The following SPATA7 variants were observed in gnomAD, a reference collection of about 807,000 sequenced individuals.
The protein encoded by SPATA7 is spermatogenesis associated 7, also known as spermatogenesis-associated protein 7.
A neutral mutation model predicts 51.8 loss-of-function variants in SPATA7; 43 were observed. That is an observed-to-expected ratio of 0.83 (90% CI 0.65 to 1.07). The LOEUF (loss-of-function observed/expected upper bound fraction) is 1.07, where lower values mean the gene tolerates loss of function less well. Ranked by LOEUF, SPATA7 falls within the 50% of genes least tolerant of loss-of-function variation. SPATA7 has a pLI of 0.00. For missense variants in SPATA7, 683 were observed against 701.3 expected (o/e 0.97, Z 0.30); for synonymous variants, 230 against 252.8 (o/e 0.91, Z 0.86).
At chr14:88,419,186 A>G (rs1426463008) in intron 5 of SPATA7, among the ~76,000 whole-genome samples, 2 of 152,088 alleles carry the variant, frequency 1.3e-5, no homozygotes, top group African/African-American at 4.8e-5. Flanking sequence ...TCCTTGTGGT[A>G]CTATTAATTT....
intron 4 of SPATA7, among the ~76,000 whole-genome samples, chr14:88,411,644 C>G (rs542234624): frequency 6.6e-6 from 1 of 152,088 alleles, no homozygotes; most frequent in Non-Finnish European, 1.5e-5. Flanking sequence ...CTACCCCTTG[C>G]GCTTCCTGGG....
At chr14:88,387,845 G>A (rs894450946) in intron 1 of SPATA7, among the ~76,000 whole-genome samples, 5 of 152,130 alleles carry the variant, frequency 3.3e-5, no homozygotes, top group Non-Finnish European at 7.4e-5. Flanking sequence ...AGAAAAGATT[G>A]AGAATAACAA....
chr14:88,410,850 TG>T, intron 4 of SPATA7: 1 of 153,726 alleles, frequency 6.5e-6, no homozygotes, highest in Non-Finnish European at 1.4e-5. Flanking sequence ...CTGGGAGGCA[TG>T]GGGGTCAGGG....
chr14:88,465,609 T>C (rs542850321), intron 4 of SPATA7, among the ~76,000 whole-genome samples: 1 of 152,344 alleles, frequency 6.6e-6, no homozygotes, highest in South Asian at 2.1e-4. Flanking sequence ...TTTATAACTC[T>C]ACGTTTTGTG....
intron 5 of SPATA7, among the ~76,000 whole-genome samples, 161 bp from the exon 6 acceptor site, chr14:88,426,071 A>G (rs1253004293): frequency 6.6e-6 from 1 of 152,230 alleles, no homozygotes; most frequent in African/African-American, 2.4e-5. Context: ...CTTAGTTTAA[A>G]TACTTGACTA....
chr14:88,431,865 T>C (rs2076950067), intron 9 of SPATA7, among the ~76,000 whole-genome samples: 1 of 152,146 alleles, frequency 6.6e-6, no homozygotes. Context: ...TGAACACTAA[T>C]CTCTCTTACA....
chr14:88,409,522 C>A (rs939840142), intron 4 of SPATA7, among the ~76,000 whole-genome samples: 1 of 151,096 alleles, frequency 6.6e-6, no homozygotes, highest in Non-Finnish European at 1.5e-5. Flanking sequence ...CTATTTTGTT[C>A]ATCTTTTCAA....
downstream of SPATA7, among the ~76,000 whole-genome samples, chr14:88,455,848 G>C (rs1359653917): frequency 6.6e-6 from 1 of 151,464 alleles, no homozygotes; most frequent in African/African-American, 2.4e-5. Flanking sequence ...TTTACATTAG[G>C]TATATCTCCT....
intron 5 of SPATA7, among the ~76,000 whole-genome samples, chr14:88,425,141 G>A (rs2076753445): frequency 6.6e-6 from 1 of 152,086 alleles, no homozygotes; most frequent in Non-Finnish European, 1.5e-5. Flanking sequence ...GGTAATAATT[G>A]TACTACCTCT....
intron 5 of SPATA7, 142 bp from the exon 6 acceptor site, chr14:88,426,090 G>C (rs73327433): frequency 1.5e-6 from 1 of 664,780 alleles, no homozygotes; most frequent in East Asian, 2.7e-5. Context: ...TAGAACTTCA[G>C]ATAAAATATT....
chr14:88,467,536 T>C (rs765033067), intron 4 of SPATA7: 5 of 152,254 alleles, frequency 3.3e-5, no homozygotes, highest in Non-Finnish European at 5.9e-5. Context: ...AGAAAAATCC[T>C]TTTGATGTTT....
At chr14:88,443,287 T>A (rs577128155), downstream of SPATA7, among the ~76,000 whole-genome samples, 13 of 152,266 alleles carry the variant, frequency 8.5e-5, no homozygotes, top group Non-Finnish European at 1.6e-4. Context: ...ATCTCACTGC[T>A]CGTTATTGGT....
At chr14:88,459,123 A>T (rs1007810630), downstream of SPATA7, among the ~76,000 whole-genome samples, 56 of 152,206 alleles carry the variant, frequency 3.7e-4, no homozygotes, top group African/African-American at 1.2e-3. Context: ...ACATTTGCTG[A>T]GGAGTGCTTT....
chr14:88,410,218 G>A (rs1180205934), intron 4 of SPATA7, among the ~76,000 whole-genome samples: 3 of 152,106 alleles, frequency 2.0e-5, no homozygotes, highest in Admixed American at 6.6e-5. Context: ...TTATTGTGTG[G>A]CAGTCTAAGT....
intron 4 of SPATA7, among the ~76,000 whole-genome samples, chr14:88,402,959 C>CAAAAAAA (rs56330042): frequency 5.3e-3 from 328 of 61,588 alleles, no homozygotes; most frequent in Middle Eastern, 0.023. Context: ...AACTCAATAG[C>CAAAAAAA]AAAAAAAAAA....
chr14:88,433,115 A>G lies in SPATA7; in HGVS notation c.1083-20A>G. On this transcript the variant is annotated intron_variant, in intron 9 of 11. Transcript: ENST00000393545. Reference sequence around the variant, plus strand: ...AAGTAAGGAATAATTTTTATGCTATATATTGCCTTCCTTTTACAGTGAAGA... The same window carrying G: ...AAGTAAGGAATAATTTTTATGCTATGTATTGCCTTCCTTTTACAGTGAAGA... 6.3e-7 allele frequency: 1 copy of G among 1,592,334 alleles called. No individual in the cohort carries two copies. Among genetic ancestry groups the G allele is most frequent in the South Asian group, 1.1e-5 (1 of 90,580 alleles).
chr14:88,400,922 T>C (rs2076039723), intron 4 of SPATA7, among the ~76,000 whole-genome samples: 1 of 152,100 alleles, frequency 6.6e-6, no homozygotes, highest in Non-Finnish European at 1.5e-5. Flanking sequence ...TACCAAATAT[T>C]CAAAGAAAGG....
chr14:88,433,150 G>T lies in SPATA7; in HGVS notation c.1098G>T (p.Leu366Phe). Residue 366 changes from leucine to phenylalanine, a missense_variant, in exon 10 of 12, where the codon TTG becomes TTT. Coordinates refer to ENST00000393545, the MANE Select transcript of SPATA7 (RefSeq NM_018418.5). ...RKIYSDEEEL[L>F]YLSFIEDVTD... Reference sequence around the variant, plus strand: ...CCTTTTACAGTGAAGAAGAACTGTTGTATCTGAGTTTCATTGAAGATGTAA... The same window carrying T: ...CCTTTTACAGTGAAGAAGAACTGTTTTATCTGAGTTTCATTGAAGATGTAA... 6.2e-7 allele frequency: 1 copy of T among 1,611,478 alleles called. No homozygotes were observed. Among genetic ancestry groups the T allele is most frequent in the Non-Finnish European group, 8.5e-7 (1 of 1,179,242 alleles).
intron 3 of SPATA7, among the ~76,000 whole-genome samples, chr14:88,454,364 C>T (rs928085358): frequency 6.6e-6 from 1 of 152,138 alleles, no homozygotes; most frequent in Non-Finnish European, 1.5e-5. Context: ...AGGATAATCC[C>T]CCAACTCAAA....
Sources: allele counts gnomAD v4.1 joint callset (sites outside exome capture counted in the v4.1 genomes callset), GRCh38; gene constraint gnomAD v4.1.1; transcripts MANE v1.5; gene names NCBI Gene and HGNC (gene_info 2026-07-23, HGNC 2026-07-21).